FBXW12: variants seen among roughly 807,000 people sequenced by gnomAD.
The protein encoded by FBXW12 is F-box and WD repeat domain containing 12.
A neutral mutation model predicts 55.3 loss-of-function variants in FBXW12; 43 were observed. That is an observed-to-expected ratio of 0.78 (90% CI 0.61 to 1.00). The LOEUF (loss-of-function observed/expected upper bound fraction) is 1.00. Ranked by LOEUF, FBXW12 falls within the 50% of genes least tolerant of loss-of-function variation. FBXW12 has a pLI of 0.00. For missense variants in FBXW12, 524 were observed against 560.5 expected, an observed-to-expected ratio of 0.93 and a Z score of 0.66; for synonymous variants, 184 against 203.8, an observed-to-expected ratio of 0.90 and a Z score of 0.83.
Position 48,373,290 on chromosome 3 carries a change from T to C in FBXW12, c.91-18T>C. The C allele has an allele frequency of 6.2e-7, 1 of 1,614,178 alleles. No homozygotes were observed. The highest frequency in any genetic ancestry group is 8.5e-7 in the Non-Finnish European group (1 of 1,180,020). On this transcript the variant is annotated intron_variant, in intron 2 of 10. Coordinates refer to ENST00000296438, the MANE Select transcript of FBXW12 (RefSeq NM_207102.2). Reference sequence around the variant, plus strand: ...ATGTAACTGATTGCCTGCTTGTCTCTTCCTTTCTCTCCCATAGCATTGGAA... The same window carrying C: ...ATGTAACTGATTGCCTGCTTGTCTCCTCCTTTCTCTCCCATAGCATTGGAA...
At chr3:48,390,406 CTTTTTTTT>C (rs71625870) in intron 10 of FBXW12, among the ~76,000 whole-genome samples, 26 of 57,930 alleles carry the variant, frequency 4.5e-4, no homozygotes, top group African/African-American at 1.6e-3. Flanking sequence ...AGGATTTCCT[CTTTTTTTT>C]TTTTTTTTTT....
At chr3:48,374,108 C>T (rs921360810) in intron 4 of FBXW12, among the ~76,000 whole-genome samples, 3 of 152,226 alleles carry the variant, frequency 2.0e-5, no homozygotes, top group South Asian at 2.1e-4. Context: ...CACTTGAGCC[C>T]ACGAGTTCAA....
intron 5 of FBXW12, among the ~76,000 whole-genome samples, chr3:48,376,251 G>C (rs1446027805): frequency 4.0e-5 from 6 of 151,578 alleles, no homozygotes; most frequent in Admixed American, 3.9e-4. Flanking sequence ...CAAAGTGCTG[G>C]GATTACAAGC....
At chr3:48,373,783 A>G (rs1409736283) in intron 4 of FBXW12, 78 bp downstream of exon 4, 1 of 1,350,162 alleles carries the variant, frequency 7.4e-7, no homozygotes, top group South Asian at 1.3e-5. Flanking sequence ...TGCTGTGTGC[A>G]GTTGTGTATT....
intron 8 of FBXW12, among the ~76,000 whole-genome samples, chr3:48,381,434 T>A (rs924251776): frequency 6.6e-6 from 1 of 152,040 alleles, no homozygotes; most frequent in African/African-American, 2.4e-5. Context: ...TAGATTTCCA[T>A]CATATTTTAG....
rs554508724 is a variant in FBXW12, at chr3:48,394,535, G to C, written c.1296-25G>C. ...GTACCTACTTTCTCTTTTGTTCACTGATGATCTTATTTTTCCATTGACAGC... is the reference window on the plus strand; with the variant it reads ...GTACCTACTTTCTCTTTTGTTCACTCATGATCTTATTTTTCCATTGACAGC... On this transcript the variant is annotated intron_variant, in intron 10 of 10. Coordinates refer to ENST00000296438, the MANE Select transcript of FBXW12 (RefSeq NM_207102.2). The C allele has an allele frequency of 4.4e-6, 6 of 1,372,426 alleles. No homozygotes were observed. The South Asian group carries it at 7.2e-5, about 16-fold the overall frequency. 85.0% of individuals were successfully genotyped at this position (1,372,426 alleles called of 1,614,324 possible).
intron 5 of FBXW12, among the ~76,000 whole-genome samples, chr3:48,376,729 G>T (rs2885509): frequency 0.58 from 87,057 of 151,330 alleles, 24,932 homozygotes; most frequent in South Asian, 0.68. Context: ...CCACCGCATA[G>T]AGAAAGCGAA....
At chr3:48,384,366 CTT>C (rs969084042) in intron 10 of FBXW12, among the ~76,000 whole-genome samples, 2 of 152,114 alleles carry the variant, frequency 1.3e-5, no homozygotes, top group Non-Finnish European at 2.9e-5. Flanking sequence ...ATACGACTGA[CTT>C]TTGTATATTG....
At chr3:48,378,554 C>T in intron 6 of FBXW12, 28 bp downstream of exon 6, 1 of 1,589,712 alleles carries the variant, frequency 6.3e-7, no homozygotes, top group Non-Finnish European at 8.6e-7. Context: ...TTAGAGGGGA[C>T]CAAAAAATCA....
chr3:48,373,552 C>G lies in FBXW12; in HGVS notation c.133C>G (p.Leu45Val). 1 of 1,613,280 alleles carries G rather than the reference C, an allele frequency of 6.2e-7. No individual in the cohort carries two copies. Among genetic ancestry groups the G allele is most frequent in the Non-Finnish European group, 8.5e-7 (1 of 1,179,296 alleles). Residue 45 changes from leucine (L) to valine (V), a missense_variant, in exon 4 of 11, where the codon CTA becomes GTA. Transcript: ENST00000296438. ...IADSDYLWRSLSLQRWDCSNF... is the reference protein window; with the variant it reads ...IADSDYLWRSVSLQRWDCSNF... Reference sequence around the variant, plus strand: ...GGACTGTGACTCTGTTTCCAGGTCACTATCTCTGCAGAGATGGGACTGCAG... The same window carrying G: ...GGACTGTGACTCTGTTTCCAGGTCAGTATCTCTGCAGAGATGGGACTGCAG...
At chr3:48,385,815 T>A (rs1362697067) in intron 10 of FBXW12, among the ~76,000 whole-genome samples, 4 of 151,956 alleles carry the variant, frequency 2.6e-5, no homozygotes, top group African/African-American at 9.7e-5. Flanking sequence ...TTGTTGGCCA[T>A]TTTATGTTTT....
chr3:48,393,782 CTTT>C (rs33998468), intron 10 of FBXW12, among the ~76,000 whole-genome samples: 2 of 138,494 alleles, frequency 1.4e-5, no homozygotes, highest in African/African-American at 2.7e-5. Context: ...TTTTTTCTTT[CTTT>C]TTTTTTTTTT....
chr3:48,381,577 A>T, intron 8 of FBXW12, 123 bp from the exon 9 acceptor site: 1 of 1,092,684 alleles, frequency 9.2e-7, no homozygotes, highest in Non-Finnish European at 1.2e-6. Flanking sequence ...CTTCCCCGGA[A>T]TGAAGTCTGT....
intron 10 of FBXW12, among the ~76,000 whole-genome samples, chr3:48,391,484 C>A (rs1357925003): frequency 2.0e-5 from 3 of 152,074 alleles, no homozygotes; most frequent in Admixed American, 6.6e-5. Flanking sequence ...CTAGCTAGAG[C>A]AATCACTACT....
At position 48,373,322 on chromosome 3, in the gene FBXW12, T is replaced by C; in HGVS notation, c.105T>C (p.Ile35=). Reference sequence around the variant, plus strand: ...CTCTCCCATAGCATTGGAATAGGATTGCAGACAGTGATTACCTGTGGAGGT... The same window carrying C: ...CTCTCCCATAGCATTGGAATAGGATCGCAGACAGTGATTACCTGTGGAGGT... The part of the protein sequence containing the change: ...VSQVNKHWNR[I]ADSDYLWRSL... The change falls in exon 3 of 11, where the codon ATT becomes ATC. Residue 35 remains isoleucine (I), a synonymous_variant. Transcript: ENST00000296438. 1 of 1,614,146 alleles carries C rather than the reference T, an allele frequency of 6.2e-7. No individual in the cohort carries two copies. The highest frequency in any genetic ancestry group is 8.5e-7 in the Non-Finnish European group (1 of 1,180,020).
intron 10 of FBXW12, 62 bp from the exon 11 acceptor site, chr3:48,394,498 T>G (rs536455673): frequency 9.7e-6 from 9 of 930,676 alleles, no homozygotes; most frequent in South Asian, 8.4e-5. Context: ...TAAGTCAGTA[T>G]TAACAATGGA....
At chr3:48,380,563 A>C in intron 7 of FBXW12, 139 bp from the exon 8 acceptor site, 2 of 646,854 alleles carry the variant, frequency 3.1e-6, no homozygotes, top group Non-Finnish European at 5.6e-6. Flanking sequence ...ATAAGCAGTG[A>C]CCACTCATCA....
Position 48,381,989 on chromosome 3 carries a change from C to G in FBXW12, c.1199C>G (p.Ser400Cys), listed in dbSNP as rs765248173. Reference protein sequence around the residue: ...PCYVLTTSENSVHVYMWEEGG... With the variant: ...PCYVLTTSENCVHVYMWEEGG... ...TATGTGCTCACCACATCCGAGAACT[C>G]TGTGCACGTGTACATGTGGGAAGAA... Residue 400 changes from serine (S) to cysteine (C), a missense_variant, in exon 10 of 11, where the codon TCT becomes TGT. Coordinates refer to ENST00000296438, the MANE Select transcript of FBXW12 (RefSeq NM_207102.2). 1.5e-5 allele frequency: 24 copies of G among 1,614,190 alleles called. No homozygotes were observed. Among genetic ancestry groups the G allele is most frequent in the Non-Finnish European group, 1.9e-5 (22 of 1,180,044 alleles).
At chr3:48,386,106 C>T (rs1282731954) in intron 10 of FBXW12, among the ~76,000 whole-genome samples, 1 of 152,084 alleles carries the variant, frequency 6.6e-6, no homozygotes, top group East Asian at 1.9e-4. Flanking sequence ...AGAGCTTTTC[C>T]CCTGCACTTT....
Sources: allele counts gnomAD v4.1 joint callset (sites outside exome capture counted in the v4.1 genomes callset), GRCh38; gene constraint gnomAD v4.1.1; transcripts MANE v1.5; gene names NCBI Gene and HGNC (gene_info 2026-07-23, HGNC 2026-07-21).